Variants in TTC7B observed in about 807,000 individuals in gnomAD.
TTC7B encodes tetratricopeptide repeat domain 7B.
A neutral mutation model predicts 106.8 loss-of-function variants in TTC7B; 28 were observed. The observed-to-expected ratio is 0.26, with a 90% CI of 0.19 to 0.36. The LOEUF (loss-of-function observed/expected upper bound fraction) is 0.36. TTC7B is among the 10% of genes least tolerant of loss of function. The pLI, the probability that TTC7B is intolerant of heterozygous loss-of-function variation, is 1.00. For synonymous variants in TTC7B, 405 were observed against 430.6 expected, an observed-to-expected ratio of 0.94 and a Z score of 0.74; for missense variants, 862 against 1,076.4, an observed-to-expected ratio of 0.80 and a Z score of 2.79.
In TTC7B at chr14:90,676,660, C is replaced by T; in HGVS notation, c.1015G>A (p.Ala339Thr). The change falls in exon 9 of 20, where the codon GCC becomes ACC. Residue 339 changes from alanine to threonine, a missense_variant and splice_region_variant. Coordinates refer to ENST00000328459, the MANE Select transcript of TTC7B (RefSeq NM_001010854.2). The stretch of plus-strand genomic sequence containing the variant: ...CTGCTCAGCACAGCGTCCCGGTTGG[C>T]CTGAAAAAACATGGAATAGAGAAGC... ...LLLLLISESM[A>T]NRDAVLSRIP... 2 of 1,613,026 alleles carry T rather than the reference C, an allele frequency of 1.2e-6. No homozygotes were observed. The highest frequency in any genetic ancestry group is 1.7e-6 in the Non-Finnish European group (2 of 1,179,540).
chr14:90,789,756 C>T (rs151153755), intron 1 of TTC7B, among the ~76,000 whole-genome samples: 8,772 of 151,736 alleles, frequency 0.058, 287 homozygotes, highest in Non-Finnish European at 0.068. Flanking sequence ...ATTAGCCGGG[C>T]GTGGTGGTGG....
chr14:90,766,634 G>T, intron 3 of TTC7B: 1 of 1,079,664 alleles, frequency 9.3e-7, no homozygotes, highest in South Asian at 1.2e-5. Flanking sequence ...GCCATTAAGG[G>T]TGTGGGCCAA....
rs575274812 is a variant in TTC7B, at chr14:90,541,203, G to A, written c.*165C>T. 10 of 549,658 alleles carry A rather than the reference G, an allele frequency of 1.8e-5. No homozygotes were observed. Among genetic ancestry groups the A allele is most frequent in the Middle Eastern group, 5.0e-4 (1 of 2,010 alleles). 34.0% of individuals were successfully genotyped at this position (549,658 alleles called of 1,614,324 possible). A position where few individuals can be genotyped will look rare whatever the true frequency, so the allele number is the denominator to read the frequency against. On this transcript the variant is annotated 3_prime_UTR_variant, in exon 20 of 20. Transcript: ENST00000328459. ...AAAAAACAAGAGAAACGCACATGGC[G>A]AGAGCGATGATTCGGGGTTGGTTTG...
At chr14:90,585,079 C>T (rs1218820709) in intron 18 of TTC7B, among the ~76,000 whole-genome samples, 2 of 152,180 alleles carry the variant, frequency 1.3e-5, no homozygotes, top group African/African-American at 2.4e-5. Context: ...GCCGTCCTAC[C>T]CTGAGCTTCC....
At chr14:90,795,408 G>A (rs920168810) in intron 1 of TTC7B, among the ~76,000 whole-genome samples, 3 of 152,314 alleles carry the variant, frequency 2.0e-5, no homozygotes, top group East Asian at 3.9e-4. Flanking sequence ...ATGTGCCTAT[G>A]CACTCACCAG....
At chr14:90,769,280 G>C (rs768473189) in intron 3 of TTC7B, among the ~76,000 whole-genome samples, 2 of 152,078 alleles carry the variant, frequency 1.3e-5, no homozygotes, top group Non-Finnish European at 2.9e-5. Flanking sequence ...AAGCTATAAG[G>C]CATGTAGAAA....
chr14:90,694,293 A>T (rs539808782), intron 6 of TTC7B, among the ~76,000 whole-genome samples: 1 of 152,266 alleles, frequency 6.6e-6, no homozygotes, highest in South Asian at 2.1e-4. Flanking sequence ...AAATGCCCCA[A>T]ATAGGCAAAT....
At chr14:90,780,561 G>C (rs1381600988) in intron 3 of TTC7B, among the ~76,000 whole-genome samples, 177 bp downstream of exon 3, 2 of 152,158 alleles carry the variant, frequency 1.3e-5, no homozygotes, top group African/African-American at 2.4e-5. Context: ...GGCTTGGAGG[G>C]ACAAATCCCT....
At position 90,805,515 on chromosome 14, in the gene TTC7B, C is replaced by T. The variant is rs139150350; in HGVS notation, c.121+10660G>A. Among the ~76,000 whole-genome samples the T allele has an allele frequency of 6.6e-6, 1 of 152,320 alleles. No individual in the cohort carries two copies. Among genetic ancestry groups the T allele is most frequent in the East Asian group, 1.9e-4 (1 of 5,182 alleles). On this transcript the variant is annotated intron_variant, in intron 1 of 19. Transcript: ENST00000328459. The surrounding 1 kb of genome is among the most constrained non-coding windows in gnomAD (Gnocchi z 4.0). ...TCCTCACCTCAGGGGATCTACCCAC[C>T]GTGGCCTCCCAAACTGCTGGGATTG...
Position 90,757,465 on chromosome 14 carries a change from GA to G in TTC7B, c.446-12544del, listed in dbSNP as rs1431394338. Reference sequence around the variant, plus strand: ...TCTCTAAAAAAAGAAAGAAAGAAAAGAAAAGCAGATTCTCAAGGAAAAAAGA... The same window carrying G: ...TCTCTAAAAAAAGAAAGAAAGAAAAGAAAGCAGATTCTCAAGGAAAAAAGA... On this transcript the variant is annotated intron_variant, in intron 3 of 19. Coordinates refer to ENST00000328459, the MANE Select transcript of TTC7B (RefSeq NM_001010854.2). The surrounding 1 kb of genome is among the most constrained non-coding windows in gnomAD (Gnocchi z 4.1). 6.6e-6 allele frequency among the ~76,000 whole-genome samples: 1 copy of G among 152,034 alleles called. No homozygotes were observed. Among genetic ancestry groups the G allele is most frequent in the Non-Finnish European group, 1.5e-5 (1 of 67,992 alleles).
chr14:90,594,253 TG>T (rs1156956122), intron 17 of TTC7B, among the ~76,000 whole-genome samples: 1 of 152,246 alleles, frequency 6.6e-6, no homozygotes, highest in East Asian at 1.9e-4. Context: ...TGGGATGGAA[TG>T]GGTTTGTAGC....
At chr14:90,671,094 T>C (rs953571418) in intron 9 of TTC7B, among the ~76,000 whole-genome samples, 1 of 152,174 alleles carries the variant, frequency 6.6e-6, no homozygotes, top group African/African-American at 2.4e-5. Context: ...TGATACCTTC[T>C]AGAAACCTTG....
intron 16 of TTC7B, among the ~76,000 whole-genome samples, chr14:90,616,979 A>G (rs1893110741): frequency 6.6e-6 from 1 of 152,208 alleles, no homozygotes; most frequent in African/African-American, 2.4e-5. Context: ...CCTTCTCATT[A>G]AATGACTTCC....
At chr14:90,809,440 C>T (rs1311920521) in intron 1 of TTC7B, among the ~76,000 whole-genome samples, 1 of 152,232 alleles carries the variant, frequency 6.6e-6, no homozygotes, top group Non-Finnish European at 1.5e-5. Flanking sequence ...CTGAACAAAA[C>T]TGGGCCCAAT....
intron 5 of TTC7B, among the ~76,000 whole-genome samples, chr14:90,704,764 G>C (rs917562392): frequency 1.3e-5 from 2 of 152,186 alleles, no homozygotes; most frequent in Admixed American, 1.3e-4. Flanking sequence ...TGGTGTCGGG[G>C]AAAAAGACTA....
chr14:90,587,166 G>T (rs532360376), intron 18 of TTC7B, among the ~76,000 whole-genome samples: 2 of 152,178 alleles, frequency 1.3e-5, no homozygotes, highest in South Asian at 2.1e-4. Flanking sequence ...TCCGGAGAGG[G>T]GTCTTGCTAT....
intron 2 of TTC7B, among the ~76,000 whole-genome samples, chr14:90,785,774 G>A (rs1371082149): frequency 4.6e-5 from 7 of 152,154 alleles, no homozygotes; most frequent in Non-Finnish European, 7.3e-5. Context: ...CACAGCTCTG[G>A]GCCACAGTGG....
chr14:90,744,716 A>G, intron 4 of TTC7B, 76 bp downstream of exon 4: 2 of 1,484,700 alleles, frequency 1.3e-6, no homozygotes, highest in Non-Finnish European at 1.8e-6. Context: ...AAAGCTTCCT[A>G]GAGATTAATC....
At chr14:90,664,814 A>G (rs781008865) in intron 9 of TTC7B, among the ~76,000 whole-genome samples, 4 of 152,240 alleles carry the variant, frequency 2.6e-5, no homozygotes, top group Admixed American at 6.5e-5. Flanking sequence ...AATGGGGGTT[A>G]AATGCAGAAA....
Sources: allele counts gnomAD v4.1 joint callset (sites outside exome capture counted in the v4.1 genomes callset), GRCh38; gene constraint gnomAD v4.1.1; non-coding constraint Gnocchi (gnomAD v3.1); transcripts MANE v1.5; gene names NCBI Gene and HGNC (gene_info 2026-07-23, HGNC 2026-07-21).